The following ZFPM1 variants were observed in gnomAD, a reference collection of about 807,000 sequenced individuals.
The protein encoded by ZFPM1 is zinc finger protein ZFPM1.
ZFPM1 carries 28 observed loss-of-function variants against 46.3 expected under a neutral mutation model. That is an observed-to-expected ratio of 0.60 (90% CI 0.45 to 0.83). The LOEUF (loss-of-function observed/expected upper bound fraction) is 0.83. Ranked by LOEUF, ZFPM1 falls within the 40% of genes least tolerant of loss-of-function variation. ZFPM1 has a pLI of 0.00. For synonymous variants in ZFPM1, 957 were observed against 675.9 expected (o/e 1.42, Z -6.45); for missense variants, 1,878 against 1,432.4 (o/e 1.31, Z -5.02).
intron 3 of ZFPM1, among the ~76,000 whole-genome samples, chr16:88,490,987 G>A (rs536458488): frequency 4.0e-5 from 6 of 150,870 alleles, no homozygotes; most frequent in Admixed American, 3.3e-4. Context: ...GGACACACCT[G>A]TCGGGGGTCA....
chr16:88,452,803 G>A (rs1468869829), upstream of ZFPM1, among the ~76,000 whole-genome samples: 1 of 152,172 alleles, frequency 6.6e-6, no homozygotes, highest in Non-Finnish European at 1.5e-5. Context: ...CAGGTTTGGA[G>A]GCGGAGCTGG....
intron 2 of ZFPM1, among the ~76,000 whole-genome samples, chr16:88,487,800 G>A (rs1289529808): frequency 6.6e-6 from 1 of 152,158 alleles, no homozygotes; most frequent in Non-Finnish European, 1.5e-5. Context: ...AGAGCCAGTG[G>A]GACTTGACCC....
At chr16:88,516,103 C>A (rs1283216313) in intron 4 of ZFPM1, 5 of 398,464 alleles carry the variant, frequency 1.3e-5, no homozygotes, top group African/African-American at 8.2e-5. Flanking sequence ...CCTGCCACTC[C>A]ATTTTACAGA....
In ZFPM1 at chr16:88,502,081, T is replaced by C. The variant is rs1199710792; in HGVS notation, c.269-12306T>C. ...GCCCCCCCCCATTTATTTATTTATT[T>C]ATTTATTTATTTATTTATTTATTTA... On this transcript the variant is annotated intron_variant, in intron 3 of 9. Coordinates refer to ENST00000319555, the MANE Select transcript of ZFPM1 (RefSeq NM_153813.3). Among the ~76,000 whole-genome samples, 443 of 131,326 alleles carry C rather than the reference T, an allele frequency of 3.4e-3. 3 individuals are homozygous for C. Among genetic ancestry groups the C allele is most frequent in the African/African-American group, 0.013 (412 of 32,914 alleles). 86.2% of individuals were successfully genotyped at this position (131,326 alleles called of 152,430 possible). A position where few individuals can be genotyped will look rare whatever the true frequency, so the allele number is the denominator to read the frequency against.
chr16:88,490,318 C>T (rs1235032295), intron 3 of ZFPM1, among the ~76,000 whole-genome samples: 1 of 152,238 alleles, frequency 6.6e-6, no homozygotes, highest in East Asian at 1.9e-4. Context: ...TCCCAAAGTG[C>T]TGGGATTACA....
At chr16:88,515,198 G>A (rs746152792) in intron 4 of ZFPM1, among the ~76,000 whole-genome samples, 1 of 152,222 alleles carries the variant, frequency 6.6e-6, no homozygotes, top group Admixed American at 6.5e-5. Context: ...CTGTAAGTAC[G>A]TGTGGGGCTG....
chr16:88,522,330 G>C (rs1911960215), intron 4 of ZFPM1, among the ~76,000 whole-genome samples: 1 of 152,238 alleles, frequency 6.6e-6, no homozygotes, highest in African/African-American at 2.4e-5. Flanking sequence ...GGACTTCTCA[G>C]GGTGGGCTGG....
At position 88,534,760 on chromosome 16, in the gene ZFPM1, G is replaced by T; in HGVS notation, c.2802G>T (p.Pro934=). 9.3e-7 allele frequency: 1 copy of T among 1,080,706 alleles called. No individual in the cohort carries two copies. Among genetic ancestry groups the T allele is most frequent in the Non-Finnish European group, 1.1e-6 (1 of 892,546 alleles). 66.9% of individuals were successfully genotyped at this position (1,080,706 alleles called of 1,614,324 possible). The change falls in exon 10 of 10, where the codon CCG becomes CCT. Residue 934 remains proline, a synonymous_variant. Transcript: ENST00000319555. ...EPQEPPPGPP[P]SPAAAPEAVP... ...AGGAGCCGCCGCCCGGCCCGCCCCC[G>T]TCCCCGGCCGCCGCGCCCGAGGCCG... is the stretch of plus-strand genomic sequence containing the variant.
chr16:88,508,751 CT>C (rs913625020), intron 3 of ZFPM1, among the ~76,000 whole-genome samples: 43 of 152,244 alleles, frequency 2.8e-4, no homozygotes, highest in African/African-American at 9.9e-4. Flanking sequence ...CCCCCCTCCC[CT>C]TCTGTCGCCT....
chr16:88,518,065 C>A (rs1407036724), intron 4 of ZFPM1, among the ~76,000 whole-genome samples: 1 of 152,052 alleles, frequency 6.6e-6, no homozygotes, highest in South Asian at 2.1e-4. Context: ...ATTAGCCGGG[C>A]ATGGTGGCGG....
At chr16:88,490,767 G>T (rs1045378801) in intron 3 of ZFPM1, among the ~76,000 whole-genome samples, 3 of 152,208 alleles carry the variant, frequency 2.0e-5, no homozygotes, top group African/African-American at 7.2e-5. Context: ...GGGCTGTGGG[G>T]CTGCCCAAGG....
chr16:88,521,179 C>A (rs909853470), intron 4 of ZFPM1, among the ~76,000 whole-genome samples: 8 of 151,816 alleles, frequency 5.3e-5, no homozygotes, highest in African/African-American at 1.9e-4. Context: ...TTCCCTCCCC[C>A]ATGCCGTTCC....
At chr16:88,531,943 C>T (rs1912814640) in intron 6 of ZFPM1, 59 bp from the exon 7 acceptor site, 1 of 1,516,538 alleles carries the variant, frequency 6.6e-7, no homozygotes. Context: ...CCGCCCACAG[C>T]CTTGCCCTGG....
intron 4 of ZFPM1, among the ~76,000 whole-genome samples, chr16:88,525,499 C>A (rs1029745050): frequency 1.3e-5 from 2 of 152,244 alleles, no homozygotes; most frequent in Admixed American, 1.3e-4. Flanking sequence ...AAAAGGCATT[C>A]ATTTGTATAG....
At position 88,534,313 on chromosome 16, in the gene ZFPM1, C is replaced by T; in HGVS notation, c.2355C>T (p.Arg785=). The part of the protein sequence containing the change: ...SGSGPGLAPA[R]SPGPAADGPI... ...GCGGCCCCGGCCTCGCCCCTGCGCG[C>T]TCGCCCGGCCCCGCGGCCGACGGCC... The change falls in exon 10 of 10, where the codon CGC becomes CGT. Residue 785 remains arginine, a synonymous_variant. Coordinates refer to ENST00000319555, the MANE Select transcript of ZFPM1 (RefSeq NM_153813.3). 1 of 1,313,932 alleles carries T rather than the reference C, an allele frequency of 7.6e-7. No homozygotes were observed. Among genetic ancestry groups the T allele is most frequent in the South Asian group, 1.8e-5 (1 of 55,300 alleles). 81.4% of individuals were successfully genotyped at this position (1,313,932 alleles called of 1,614,324 possible).
intron 3 of ZFPM1, among the ~76,000 whole-genome samples, chr16:88,512,030 A>G (rs377568835): frequency 1.2e-4 from 19 of 152,308 alleles, no homozygotes; most frequent in East Asian, 1.2e-3. Flanking sequence ...GGCGAGTGGA[A>G]CGGCCACCTT....
intron 1 of ZFPM1, among the ~76,000 whole-genome samples, chr16:88,475,150 G>A (rs773995079): frequency 9.2e-5 from 14 of 152,238 alleles, no homozygotes; most frequent in Non-Finnish European, 1.0e-4. Flanking sequence ...CCACAGCTCC[G>A]GGAGGAGCCA....
chr16:88,505,349 TC>T (rs953650797), intron 3 of ZFPM1, among the ~76,000 whole-genome samples: 57 of 152,276 alleles, frequency 3.7e-4, no homozygotes, highest in African/African-American at 1.3e-3. Context: ...CTGGGTCTTC[TC>T]CCAGGCGGTG....
chr16:88,458,335 G>A (rs1907647919), intron 1 of ZFPM1, among the ~76,000 whole-genome samples: 1 of 152,194 alleles, frequency 6.6e-6, no homozygotes, highest in Non-Finnish European at 1.5e-5. Flanking sequence ...AGACATGACT[G>A]CAAGGGGGAG....
Sources: gnomAD v4.1 joint callset for allele counts (sites outside exome capture counted in the v4.1 genomes callset) on GRCh38, gnomAD v4.1.1 for gene constraint, MANE v1.5 for transcripts, NCBI Gene and HGNC (gene_info 2026-07-23, HGNC 2026-07-21) for gene names.